Variants in ZNF790 observed in about 807,000 individuals in gnomAD.
ZNF790 encodes zinc finger protein 790.
A neutral mutation model predicts 12.1 loss-of-function variants in ZNF790; 8 were observed. The ratio of observed to expected loss-of-function variants is 0.66; its 90% CI spans 0.39 to 1.19. ZNF790 has a LOEUF of 1.19. Among genes scored for constraint, ZNF790 ranks in the 50% most tolerant of loss-of-function variants. The probability of loss-of-function intolerance (pLI) is 0.01; values close to 1 mark genes in which losing one functional copy is unlikely to be tolerated. For missense variants in ZNF790, 707 were observed against 752.2 expected (o/e 0.94, Z 0.70); for synonymous variants, 252 against 244.3 (o/e 1.03, Z -0.29).
At chr19:36,821,644 C>T (rs960310130) in intron 4 of ZNF790, among the ~76,000 whole-genome samples, 3 of 151,962 alleles carry the variant, frequency 2.0e-5, no homozygotes, top group Non-Finnish European at 4.4e-5. Context: ...AGTGCAGTGG[C>T]GCAATCTCAG....
At chr19:36,847,079 A>G (rs1435321010) in intron 1 of ZNF790, among the ~76,000 whole-genome samples, 1 of 152,154 alleles carries the variant, frequency 6.6e-6, no homozygotes, top group Non-Finnish European at 1.5e-5. Flanking sequence ...TTCTTAGCCA[A>G]GTGCGGTGGC....
At chr19:36,835,144 C>T (rs1477985539) in intron 1 of ZNF790, among the ~76,000 whole-genome samples, 1 of 152,162 alleles carries the variant, frequency 6.6e-6, no homozygotes, top group Non-Finnish European at 1.5e-5. Context: ...AAAAAATTAG[C>T]CGGGCATGTT....
intron 1 of ZNF790, among the ~76,000 whole-genome samples, chr19:36,832,595 T>A (rs1435621537): frequency 6.6e-6 from 1 of 152,130 alleles, no homozygotes; most frequent in Non-Finnish European, 1.5e-5. Context: ...TAGTCCCTGT[T>A]ATGCCTTCAA....
At chr19:36,829,356 A>G (rs879289601) in intron 1 of ZNF790, among the ~76,000 whole-genome samples, 2 of 152,154 alleles carry the variant, frequency 1.3e-5, no homozygotes, top group Admixed American at 6.5e-5. Context: ...GGATTTTCCT[A>G]TTCTGGACTT....
chr19:36,836,453 A>T (rs1007104299), intron 1 of ZNF790, among the ~76,000 whole-genome samples: 6 of 147,446 alleles, frequency 4.1e-5, no homozygotes, highest in African/African-American at 1.3e-4. Context: ...AGACAAGCCT[A>T]AAAAAAAAAC....
chr19:36,847,864 T>C (rs770525282), intron 1 of ZNF790, among the ~76,000 whole-genome samples: 2 of 152,108 alleles, frequency 1.3e-5, no homozygotes, highest in Non-Finnish European at 2.9e-5. Flanking sequence ...GTCCAGCCCT[T>C]CAGTACCTTC....
At chr19:36,840,646 G>T (rs1674272799), upstream of ZNF790, among the ~76,000 whole-genome samples, 1 of 152,174 alleles carries the variant, frequency 6.6e-6, no homozygotes, top group Admixed American at 6.5e-5. Context: ...CACTTATTAG[G>T]AAGGTGGGAA....
intron 4 of ZNF790, among the ~76,000 whole-genome samples, chr19:36,821,681 T>TCAAGC (rs1306070508): frequency 6.6e-6 from 1 of 152,078 alleles, no homozygotes; most frequent in Non-Finnish European, 1.5e-5. Context: ...CCTCCTGGGT[T>TCAAGC]CAAGCGATTC....
At chr19:36,845,047 C>CAAAAAAA (rs10611049) in intron 1 of ZNF790, among the ~76,000 whole-genome samples, 12 of 34,910 alleles carry the variant, frequency 3.4e-4, no homozygotes, top group Admixed American at 5.2e-4. Context: ...GACTCCGTCT[C>CAAAAAAA]AAAAAAAAAA....
chr19:36,836,290 TTAGTC>T (rs1198202508), intron 1 of ZNF790, among the ~76,000 whole-genome samples: 4 of 152,000 alleles, frequency 2.6e-5, no homozygotes, highest in Admixed American at 1.3e-4. Context: ...CCAAAGAAGT[TTAGTC>T]TAAGATGAAA....
chr19:36,822,486 CTCTA>C (rs1345243802), intron 4 of ZNF790, among the ~76,000 whole-genome samples: 2 of 152,048 alleles, frequency 1.3e-5, no homozygotes, highest in Non-Finnish European at 2.9e-5. Context: ...AAGGTTTTGT[CTCTA>C]TCTAGGCCTC....
At chr19:36,820,779 C>T (rs2071649752) in intron 4 of ZNF790, among the ~76,000 whole-genome samples, 1 of 151,934 alleles carries the variant, frequency 6.6e-6, no homozygotes, top group African/African-American at 2.4e-5. Context: ...GCCTGTGGTC[C>T]TAGCTACCTG....
intron 1 of ZNF790, among the ~76,000 whole-genome samples, chr19:36,848,201 T>A (rs1328079197): frequency 1.3e-5 from 2 of 152,152 alleles, no homozygotes; most frequent in African/African-American, 4.8e-5. Flanking sequence ...GAGGTGAAGT[T>A]AGTAAAGCCC....
chr19:36,823,290 C>T lies in ZNF790; in HGVS notation c.224G>A (p.Cys75Tyr), dbSNP rs1285339090. The T allele has an allele frequency of 1.2e-6, 2 of 1,613,796 alleles. No homozygotes were observed. The highest frequency in any genetic ancestry group is 1.1e-5 in the South Asian group (1 of 91,054). ...KILRDETRGPCPDMQSRCQTK... is the reference protein window; with the variant it reads ...KILRDETRGPYPDMQSRCQTK... ...CGTGTTCAGCCCTCACTCACCTGGG[C>T]AAGGTCCTCTTGTCTCATCCCTCAA... The change falls in exon 4 of 5, where the codon TGC becomes TAC. Residue 75 changes from cysteine (C) to tyrosine (Y), a missense_variant. By Grantham distance (194) the Cys-to-Tyr change is radical (BLOSUM62 -2). Transcript: ENST00000356725.
At position 36,835,961 on chromosome 19, in the gene ZNF790, C is replaced by T. The variant is rs375994588; in HGVS notation, c.-74+2376G>A. On this transcript the variant is annotated intron_variant, in intron 1 of 4. Coordinates refer to ENST00000356725, the MANE Select transcript of ZNF790 (RefSeq NM_206894.4). ...CCATTTCAAGGTTCTTAACTTTATC[C>T]CCTTTGCAAAGTCCTTTTTGCCATA... Among the ~76,000 whole-genome samples the T allele has an allele frequency of 4.6e-5, 7 of 152,058 alleles. No homozygotes were observed. The East Asian group carries it at 1.2e-3, about 25-fold the overall frequency.
chr19:36,818,842 G>GT lies in ZNF790; in HGVS notation c.1501dup (p.Thr501AsnfsTer7), dbSNP rs760799318. On this transcript the variant is annotated frameshift_variant, in exon 5 of 5. Transcript: ENST00000356725. LOFTEE classifies it low-confidence loss of function (END_TRUNC). ...TTCACATTCATATGGCCTCTTTCCA[G>GT]TATGAATTTTCTGGTGTCGATTAAG... 30 of 1,613,420 alleles carry GT rather than the reference G, an allele frequency of 1.9e-5. No individual in the cohort carries two copies. Among genetic ancestry groups the GT allele is most frequent in the Non-Finnish European group, 2.5e-5 (29 of 1,179,852 alleles).
chr19:36,820,623 G>T (rs140974154), intron 4 of ZNF790, among the ~76,000 whole-genome samples: 26 of 152,276 alleles, frequency 1.7e-4, no homozygotes, highest in Non-Finnish European at 3.7e-4. Context: ...TAGTTTGAAG[G>T]CCAGGTACAG....
intron 1 of ZNF790, among the ~76,000 whole-genome samples, chr19:36,846,772 A>C (rs1485645840): frequency 6.6e-6 from 1 of 152,214 alleles, no homozygotes; most frequent in Non-Finnish European, 1.5e-5. Context: ...TCAAGAGGCC[A>C]ATTATATTAA....
At position 36,818,910 on chromosome 19, in the gene ZNF790, A is replaced by G; in HGVS notation, c.1434T>C (p.Tyr478=). The change falls in exon 5 of 5, where the codon TAT becomes TAC. Residue 478 remains tyrosine (Y), a synonymous_variant. Coordinates refer to ENST00000356725, the MANE Select transcript of ZNF790 (RefSeq NM_206894.4). Reference sequence around the variant, plus strand: ...AGGTCTTTCCACATTCCTTACATTCATAGTTTCTCTCACCAGTATGAATTT... The same window carrying G: ...AGGTCTTTCCACATTCCTTACATTCGTAGTTTCTCTCACCAGTATGAATTT... ...HQKIHTGERN[Y]ECKECGKTFF... is the part of the protein sequence containing the mutation. 6.2e-7 allele frequency: 1 copy of G among 1,610,826 alleles called. No individual in the cohort carries two copies. The highest frequency in any genetic ancestry group is 1.1e-5 in the South Asian group (1 of 90,972).
Sources: gnomAD v4.1 joint callset for allele counts (sites outside exome capture counted in the v4.1 genomes callset) on GRCh38, gnomAD v4.1.1 for gene constraint, MANE v1.5 for transcripts, NCBI Gene and HGNC (gene_info 2026-07-23, HGNC 2026-07-21) for gene names.